The following DMD variants were observed in gnomAD, a reference collection of about 807,000 sequenced individuals.
DMD encodes mutant dystrophin.
A neutral mutation model predicts 330.1 loss-of-function variants in DMD; 63 were observed. The observed-to-expected ratio is 0.19, with a 90% CI of 0.16 to 0.24. The LOEUF is 0.24. Among genes scored for constraint, DMD ranks in the 10% least tolerant of loss-of-function variants. The pLI, the probability that DMD is intolerant of heterozygous loss-of-function variation, is 1.00. For missense variants in DMD, 3,344 were observed against 2,684.1 expected (o/e 1.25, Z -5.43); for synonymous variants, 1,223 against 959.8 (o/e 1.27, Z -5.07).
At chrX:33,167,281 T>C (rs951646280) in intron 1 of DMD, among the ~76,000 whole-genome samples, 18 of 111,469 alleles carry the variant, frequency 1.6e-4, no homozygotes, top group African/African-American at 5.8e-4. Flanking sequence ...GTAAACTAAC[T>C]TCGATTTAGG....
chrX:33,089,537 C>A (rs1033810878), intron 1 of DMD, among the ~76,000 whole-genome samples: 7 of 110,416 alleles, frequency 6.3e-5, no homozygotes, highest in African/African-American at 2.3e-4. Flanking sequence ...CAAAAAAAAA[C>A]AGCCTGATAA....
At chrX:33,269,110 T>A (rs766375623) in intron 1 of DMD, among the ~76,000 whole-genome samples, 1 of 110,731 alleles carries the variant, frequency 9.0e-6, no homozygotes, top group Non-Finnish European at 1.9e-5. Context: ...GGAAAATAGA[T>A]CATTTTATCA....
At chrX:32,737,136 C>CA (rs1187097668) in intron 7 of DMD, among the ~76,000 whole-genome samples, 2 of 109,120 alleles carry the variant, frequency 1.8e-5, no homozygotes, top group Non-Finnish European at 3.8e-5. Flanking sequence ...ACAGCAACAA[C>CA]AAAAGGGGGG....
chrX:32,221,562 A>AT (rs1445584367), intron 43 of DMD, among the ~76,000 whole-genome samples: 1 of 111,931 alleles, frequency 8.9e-6, no homozygotes, highest in Admixed American at 9.5e-5. Context: ...TTTTTAAAAA[A>AT]TTCAAATTCA....
At chrX:31,196,839 A>C (rs1602593537) in intron 67 of DMD, among the ~76,000 whole-genome samples, 1 of 24,670 alleles carries the variant, frequency 4.1e-5, no homozygotes, top group Non-Finnish European at 9.5e-5. Flanking sequence ...AAAAAAAAAA[A>C]AAAAAAAAAA....
chrX:32,626,507 A>G (rs1447713148), intron 11 of DMD, among the ~76,000 whole-genome samples: 2 of 105,307 alleles, frequency 1.9e-5, no homozygotes, highest in African/African-American at 8.1e-5. Flanking sequence ...TGGCTCAAAA[A>G]TTCTAGCAAG....
At chrX:31,815,342 C>G (rs186457488) in intron 50 of DMD, among the ~76,000 whole-genome samples, 1 of 110,418 alleles carries the variant, frequency 9.1e-6, no homozygotes, top group African/African-American at 3.3e-5. Context: ...CCTAGCTACT[C>G]AGGAGGCTGA....
At chrX:31,190,938 A>G (rs1041211472) in intron 67 of DMD, among the ~76,000 whole-genome samples, 1 of 111,609 alleles carries the variant, frequency 9.0e-6, no homozygotes, top group Non-Finnish European at 1.9e-5. Context: ...CCATAGGCCT[A>G]TTCAACTGCC....
At chrX:33,197,996 T>G (rs926296035) in intron 1 of DMD, among the ~76,000 whole-genome samples, 4 of 111,583 alleles carry the variant, frequency 3.6e-5, no homozygotes, top group African/African-American at 9.8e-5. Context: ...ACTCCTAAAC[T>G]GTTTTCTAGA....
chrX:31,277,876 T>G (rs1479669472), intron 62 of DMD, among the ~76,000 whole-genome samples: 1 of 109,996 alleles, frequency 9.1e-6, no homozygotes, highest in Non-Finnish European at 1.9e-5. Flanking sequence ...GTGGGGAAAA[T>G]GGGTTATAAA....
At chrX:32,385,948 A>C (rs2097954961) in intron 33 of DMD, among the ~76,000 whole-genome samples, 1 of 110,393 alleles carries the variant, frequency 9.1e-6, no homozygotes, top group Non-Finnish European at 1.9e-5. Flanking sequence ...ACAAGTAGAT[A>C]TATATAATGA....
chrX:31,528,202 A>G (rs1267417900), intron 55 of DMD, among the ~76,000 whole-genome samples: 7 of 111,595 alleles, frequency 6.3e-5, no homozygotes, highest in African/African-American at 2.3e-4. Context: ...TTAGGTTGTA[A>G]CAGTGCATTA....
At chrX:31,273,610 T>C (rs1327489443) in intron 62 of DMD, among the ~76,000 whole-genome samples, 1 of 112,153 alleles carries the variant, frequency 8.9e-6, no homozygotes, top group East Asian at 2.8e-4. Context: ...GAAGTCATCC[T>C]AAGTTGAAAC....
intron 2 of DMD, among the ~76,000 whole-genome samples, chrX:32,888,749 G>T (rs1348957341): frequency 9.0e-6 from 1 of 111,599 alleles, no homozygotes; most frequent in Non-Finnish European, 1.9e-5. Flanking sequence ...ACAAGATATG[G>T]AATCAACCTA....
chrX:32,638,859 T>C (rs2059263246), intron 11 of DMD, among the ~76,000 whole-genome samples: 1 of 111,148 alleles, frequency 9.0e-6, no homozygotes, highest in South Asian at 3.8e-4. Flanking sequence ...CTCTCACATA[T>C]GCCATCTTAT....
At chrX:33,282,286 C>T (rs1033406092) in intron 1 of DMD, among the ~76,000 whole-genome samples, 1 of 111,945 alleles carries the variant, frequency 8.9e-6, no homozygotes, top group Non-Finnish European at 1.9e-5. Flanking sequence ...GAAGAGGCTT[C>T]AGTAGTTAGG....
intron 1 of DMD, among the ~76,000 whole-genome samples, chrX:33,067,331 A>G (rs1022467707): frequency 2.7e-5 from 3 of 112,432 alleles, no homozygotes; most frequent in Non-Finnish European, 5.6e-5. Context: ...CCTTAATAGA[A>G]ATAAATGATT....
At chrX:32,161,574 A>G (rs7883249) in intron 44 of DMD, among the ~76,000 whole-genome samples, 11,336 of 111,453 alleles carry the variant, frequency 0.1, 555 homozygotes, top group African/African-American at 0.19. Flanking sequence ...GCACTTAATA[A>G]ACTCTCAATA....
chrX:31,145,964 T>C (rs899582891), intron 76 of DMD, among the ~76,000 whole-genome samples: 1 of 112,226 alleles, frequency 8.9e-6, no homozygotes, highest in Non-Finnish European at 1.9e-5. Flanking sequence ...CCCAGCCCCC[T>C]GGCAAGTCTA....
Sources: gnomAD v4.1 joint callset for allele counts (sites outside exome capture counted in the v4.1 genomes callset) on GRCh38, gnomAD v4.1.1 for gene constraint, MANE v1.5 for transcripts, NCBI Gene and HGNC (gene_info 2026-07-23, HGNC 2026-07-21) for gene names.